SF3B1: variants seen among roughly 807,000 people sequenced by gnomAD.
SF3B1 encodes pre-mRNA processing 10.
SF3B1 carries 12 observed loss-of-function variants against 153.8 expected under a neutral mutation model. The ratio of observed to expected loss-of-function variants is 0.08; its 90% confidence interval spans 0.05 to 0.13. SF3B1 has a LOEUF of 0.13. SF3B1 is among the 10% of genes least tolerant of loss of function. The pLI is 1.00. For synonymous variants in SF3B1, 498 were observed against 525.2 expected, an observed-to-expected ratio of 0.95 and a Z score of 0.71; for missense variants, 513 against 1,606.1, an observed-to-expected ratio of 0.32 and a Z score of 11.63.
intron 6 of SF3B1, among the ~76,000 whole-genome samples, chr2:197,410,895 C>A (rs1239037105): frequency 6.6e-6 from 1 of 152,140 alleles, no homozygotes; most frequent in African/African-American, 2.4e-5. Flanking sequence ...AATAATATTA[C>A]CCTAGCTGAT....
At chr2:197,419,106 C>G (rs890241448) in intron 4 of SF3B1, 10 of 595,536 alleles carry the variant, frequency 1.7e-5, no homozygotes, top group Non-Finnish European at 2.9e-5. Flanking sequence ...TTTAGAAAAT[C>G]TGATTTTAAA....
At chr2:197,430,260 A>C (rs1449983175) in intron 1 of SF3B1, among the ~76,000 whole-genome samples, 1 of 152,208 alleles carries the variant, frequency 6.6e-6, no homozygotes, top group Non-Finnish European at 1.5e-5. Context: ...TCATGGTATT[A>C]TCTTTTTAAG....
At chr2:197,407,286 A>G (rs2085005774) in intron 9 of SF3B1, among the ~76,000 whole-genome samples, 1 of 152,144 alleles carries the variant, frequency 6.6e-6, no homozygotes, top group African/African-American at 2.4e-5. Context: ...AGAAAATTTT[A>G]TAGTTCAAAA....
At position 197,400,623 on chromosome 2, in the gene SF3B1, C is replaced by T. The variant is rs1248865807; in HGVS notation, c.2718+92G>A. 5.5e-6 allele frequency: 6 copies of T among 1,092,352 alleles called. No individual in the cohort carries two copies. The highest frequency in any genetic ancestry group is 7.9e-6 in the Non-Finnish European group (6 of 756,526). 67.7% of individuals were successfully genotyped at this position (1,092,352 alleles called of 1,614,324 possible). ...AGCATTTTAAAAATTACTTCAAATT[C>T]AATTGCATTCTAGAAAAATTTGCTT... is the stretch of plus-strand genomic sequence containing the variant. On this transcript the variant is annotated intron_variant, in intron 18 of 24. Transcript: ENST00000335508. The surrounding 1 kb of genome is among the most constrained non-coding windows in gnomAD (Gnocchi z 5.0).
chr2:197,403,525 T>C (rs1218271890), intron 12 of SF3B1, 60 bp downstream of exon 12: 4 of 1,126,234 alleles, frequency 3.6e-6, no homozygotes, highest in African/African-American at 1.6e-5. Flanking sequence ...AAATTTAACA[T>C]TGATTAACTG....
At chr2:197,396,965 A>G (rs1399786875) in intron 22 of SF3B1, among the ~76,000 whole-genome samples, 1 of 152,236 alleles carries the variant, frequency 6.6e-6, no homozygotes, top group Non-Finnish European at 1.5e-5. Flanking sequence ...GTTGTCTGGT[A>G]TAATTCTACC....
At chr2:197,434,651 C>A (rs1378248493) in intron 1 of SF3B1, among the ~76,000 whole-genome samples, 1 of 152,206 alleles carries the variant, frequency 6.6e-6, no homozygotes, top group Non-Finnish European at 1.5e-5. Flanking sequence ...GACCTTCTCC[C>A]CACGCCCGCT....
intron 11 of SF3B1, 125 bp from the exon 12 acceptor site, chr2:197,403,889 A>C: frequency 1.5e-6 from 1 of 654,622 alleles, no homozygotes; most frequent in Non-Finnish European, 2.5e-6. Context: ...CACATTTTAC[A>C]TAGACAGCAT....
Position 197,401,666 on chromosome 2 carries a change from T to C in SF3B1, c.2370+76A>G. On this transcript the variant is annotated intron_variant, in intron 16 of 24. Transcript: ENST00000335508. The surrounding 1 kb of genome is among the most constrained non-coding windows in gnomAD (Gnocchi z 4.2). The stretch of plus-strand genomic sequence containing the variant: ...TGTAACATACAGTTTTTTTTGTTGA[T>C]TTTTAAAAACACTTTAAAATTCTGT... 1 of 1,520,198 alleles carries C rather than the reference T, an allele frequency of 6.6e-7. No homozygotes were observed. Among genetic ancestry groups the C allele is most frequent in the Non-Finnish European group, 8.9e-7 (1 of 1,119,724 alleles). 94.2% of individuals were successfully genotyped at this position (1,520,198 alleles called of 1,614,324 possible).
chr2:197,423,174 G>A (rs1462716305), intron 2 of SF3B1, among the ~76,000 whole-genome samples: 1 of 152,042 alleles, frequency 6.6e-6, no homozygotes, highest in Non-Finnish European at 1.5e-5. Context: ...ATCACCTGAA[G>A]GCATGAGTTC....
At position 197,422,706 on chromosome 2, in the gene SF3B1, C is replaced by T. The variant is rs189801156; in HGVS notation, c.195+1102G>A. Among the ~76,000 whole-genome samples, 230 of 151,716 alleles carry T rather than the reference C, an allele frequency of 1.5e-3. 1 individual carries two copies. Among genetic ancestry groups the T allele is most frequent in the African/African-American group, 5.3e-3 (218 of 41,366 alleles). ...GAGATCGAGACCATCCTGGCTAACACGGTGAAACCCCGTCTCTACTAAAAA... is the reference window on the plus strand; with the variant it reads ...GAGATCGAGACCATCCTGGCTAACATGGTGAAACCCCGTCTCTACTAAAAA... On this transcript the variant is annotated intron_variant, in intron 2 of 24. Coordinates refer to ENST00000335508, the MANE Select transcript of SF3B1 (RefSeq NM_012433.4).
chr2:197,420,103 G>T, intron 4 of SF3B1: 1 of 285,234 alleles, frequency 3.5e-6, no homozygotes, highest in East Asian at 5.3e-5. Context: ...TCAATAATTT[G>T]AAAGTATTTT....
intron 6 of SF3B1, among the ~76,000 whole-genome samples, chr2:197,410,725 C>T (rs1334015934): frequency 6.6e-6 from 1 of 151,926 alleles, no homozygotes; most frequent in East Asian, 1.9e-4. Context: ...AGGCTGGTCT[C>T]GAACTCCTGA....
chr2:197,405,560 A>C, intron 9 of SF3B1, 88 bp from the exon 10 acceptor site: 1 of 911,258 alleles, frequency 1.1e-6, no homozygotes, highest in Admixed American at 2.5e-5. Flanking sequence ...ATTTTAGTTT[A>C]TTAGCTAATA....
chr2:197,426,102 T>C (rs2085332478), intron 1 of SF3B1, among the ~76,000 whole-genome samples: 1 of 151,778 alleles, frequency 6.6e-6, no homozygotes, highest in South Asian at 2.1e-4. Flanking sequence ...TGTGTTGTGT[T>C]ACACAGCACC....
At chr2:197,403,471 T>A in intron 12 of SF3B1, 114 bp downstream of exon 12, 2 of 608,980 alleles carry the variant, frequency 3.3e-6, no homozygotes, top group Non-Finnish European at 5.4e-6. Context: ...TTTGTACATG[T>A]ATGGTGTGTA....
intron 7 of SF3B1, 135 bp downstream of exon 7, chr2:197,409,635 G>C: frequency 1.3e-6 from 1 of 753,208 alleles, no homozygotes; most frequent in Non-Finnish European, 2.3e-6. Context: ...CATATGAACT[G>C]TTCTATTCTT....
Position 197,402,527 on chromosome 2 carries a change from A to C in SF3B1, c.2077+29T>G. 1 of 1,595,822 alleles carries C rather than the reference A, an allele frequency of 6.3e-7. No individual in the cohort carries two copies. Among genetic ancestry groups the C allele is most frequent in the Non-Finnish European group, 8.5e-7 (1 of 1,171,370 alleles). On this transcript the variant is annotated intron_variant, in intron 14 of 24. Transcript: ENST00000335508. This position sits in a 1 kb window ranked among gnomAD's most constrained non-coding sequence, Gnocchi z 4.6. ...AGACCCTGTCTCCTAAAGAAAAAAA[A>C]AAAAAGACAAAGTTACATTACAACT...
Position 197,401,669 on chromosome 2 carries a change from TTAAA to T in SF3B1, c.2370+69_2370+72del. On this transcript the variant is annotated intron_variant, in intron 16 of 24. Coordinates refer to ENST00000335508, the MANE Select transcript of SF3B1 (RefSeq NM_012433.4). The surrounding 1 kb of genome is among the most constrained non-coding windows in gnomAD (Gnocchi z 4.2). The stretch of plus-strand genomic sequence containing the variant: ...AACATACAGTTTTTTTTGTTGATTT[TTAAA>T]AACACTTTAAAATTCTGTTAGAACC... 2 of 1,526,954 alleles carry T rather than the reference TTAAA, an allele frequency of 1.3e-6. No individual in the cohort carries two copies. Among genetic ancestry groups the T allele is most frequent in the Non-Finnish European group, 1.8e-6 (2 of 1,125,230 alleles). The allele number at this position is 1,526,954 out of a possible 1,614,324, so 94.6% of individuals were successfully genotyped here.
Sources: gnomAD v4.1 joint callset for allele counts (sites outside exome capture counted in the v4.1 genomes callset) on GRCh38, gnomAD v4.1.1 for gene constraint, Gnocchi (gnomAD v3.1) non-coding constraint, MANE v1.5 for transcripts, NCBI Gene and HGNC (gene_info 2026-07-23, HGNC 2026-07-21) for gene names.